The following NEDD4 variants were observed in gnomAD, a reference collection of about 807,000 sequenced individuals.
NEDD4 encodes the protein NEDD4 E3 ubiquitin protein ligase.
Under a neutral mutation model 144.9 loss-of-function variants are expected in NEDD4, and 99 were observed. That is an observed-to-expected ratio of 0.68 (90% CI 0.58 to 0.81). The LOEUF (loss-of-function observed/expected upper bound fraction) is 0.81, where lower values mean the gene tolerates loss of function less well. Among genes scored for constraint, NEDD4 ranks in the 30% least tolerant of loss-of-function variants. NEDD4 has a pLI of 0.00. For synonymous variants in NEDD4, 318 were observed against 350.6 expected (o/e 0.91, Z 1.04); for missense variants, 985 against 1,065.9 (o/e 0.92, Z 1.06).
chr15:55,953,809 C>T (rs373476330), intron 2 of NEDD4, among the ~76,000 whole-genome samples: 2 of 152,218 alleles, frequency 1.3e-5, no homozygotes, highest in African/African-American at 2.4e-5. Context: ...CAACCTCCTC[C>T]TCCTGGGTTC....
chr15:55,843,719 C>CATGAT (rs1418925590), intron 18 of NEDD4, among the ~76,000 whole-genome samples: 7 of 152,044 alleles, frequency 4.6e-5, no homozygotes, highest in African/African-American at 1.7e-4. Context: ...GCAATATAAG[C>CATGAT]ATGATATGAG....
chr15:55,914,892 G>GA (rs1318542665), intron 5 of NEDD4, among the ~76,000 whole-genome samples: 1 of 151,904 alleles, frequency 6.6e-6, no homozygotes, highest in African/African-American at 2.4e-5. Context: ...ATGATCATTT[G>GA]AAAATAGGAA....
chr15:55,974,613 A>G (rs1340195875), intron 1 of NEDD4, among the ~76,000 whole-genome samples: 2 of 152,172 alleles, frequency 1.3e-5, no homozygotes, highest in Non-Finnish European at 2.9e-5. Flanking sequence ...GGATGGTTCA[A>G]CATACACAAA....
At chr15:55,983,297 T>TGTGC (rs1566978143) in intron 1 of NEDD4, among the ~76,000 whole-genome samples, 6 of 141,410 alleles carry the variant, frequency 4.2e-5, no homozygotes, top group East Asian at 2.2e-4. Context: ...TGTGTGTGTG[T>TGTGC]GTGCGTGCGC....
intron 5 of NEDD4, among the ~76,000 whole-genome samples, chr15:55,899,101 G>T (rs2035831036): frequency 1.3e-5 from 2 of 152,178 alleles, no homozygotes; most frequent in Non-Finnish European, 2.9e-5. Context: ...TATGTGTAAA[G>T]ATTGTACATA....
At position 55,827,608 on chromosome 15, in the gene NEDD4, A is replaced by T. The variant is rs1303257563; in HGVS notation, c.*2289T>A. 1.3e-5 allele frequency: 2 copies of T among 152,214 alleles called. No homozygotes were observed. Among genetic ancestry groups the T allele is most frequent in the Admixed American group, 6.5e-5 (1 of 15,278 alleles). 9.4% of individuals were successfully genotyped at this position (152,214 alleles called of 1,614,324 possible). A position where few individuals can be genotyped will look rare whatever the true frequency, so the allele number is the denominator to read the frequency against. On this transcript the variant is annotated 3_prime_UTR_variant, in exon 29 of 29. Transcript: ENST00000435532. ...TTAACAAAAATAATTTTCACATTCC[A>T]TTCTACATAATGAGGACATTTCCAA...
chr15:55,938,498 T>A (rs1398075121), intron 4 of NEDD4, among the ~76,000 whole-genome samples: 1 of 151,948 alleles, frequency 6.6e-6, no homozygotes, highest in South Asian at 2.1e-4. Context: ...CCCGACACTG[T>A]AAAACCCATA....
intron 5 of NEDD4, among the ~76,000 whole-genome samples, chr15:55,891,556 C>A (rs2035572447): frequency 6.6e-6 from 1 of 152,090 alleles, no homozygotes; most frequent in Non-Finnish European, 1.5e-5. Context: ...ATGCAGCCTA[C>A]TTCATAAAAC....
At chr15:55,946,124 A>AT (rs1157791999) in intron 4 of NEDD4, among the ~76,000 whole-genome samples, 9 of 152,216 alleles carry the variant, frequency 5.9e-5, no homozygotes, top group African/African-American at 2.2e-4. Flanking sequence ...AGTGAACATC[A>AT]TAATTACAGG....
intron 1 of NEDD4, among the ~76,000 whole-genome samples, chr15:55,976,433 A>G (rs2037700636): frequency 6.6e-6 from 1 of 152,208 alleles, no homozygotes. Flanking sequence ...GATATTTCTC[A>G]AAAGAAGACA....
At chr15:55,916,150 A>C in intron 5 of NEDD4, 1 of 1,613,958 alleles carries the variant, frequency 6.2e-7, no homozygotes, top group Middle Eastern at 1.6e-4. Context: ...GTACTTCTTG[A>C]AAAAATTTCA....
chr15:55,966,676 T>C (rs572458227), intron 1 of NEDD4, 130 bp from the exon 2 acceptor site: 21 of 444,022 alleles, frequency 4.7e-5, no homozygotes, highest in Non-Finnish European at 8.2e-5. Context: ...TTTCAATAAT[T>C]AATTTTATTA....
intron 4 of NEDD4, among the ~76,000 whole-genome samples, chr15:55,942,193 T>C (rs897973727): frequency 3.3e-5 from 5 of 152,230 alleles, no homozygotes; most frequent in Non-Finnish European, 5.9e-5. Context: ...CATACACATT[T>C]CAGATTGTAT....
chr15:55,830,560 C>G lies in NEDD4; in HGVS notation c.2554G>C (p.Val852Leu). The G allele has an allele frequency of 1.2e-6, 2 of 1,614,136 alleles. No homozygotes were observed. The highest frequency in any genetic ancestry group is 1.7e-6 in the Non-Finnish European group (2 of 1,179,950). The change falls in exon 28 of 29, where the codon GTT (valine) becomes CTT (leucine). Residue 852 changes from valine to leucine, a missense_variant. By Grantham distance (32) the Val-to-Leu change is conservative. Transcript: ENST00000435532. ...TTTTCAGGAGTACCCCACTGTTCAACTGTAAATGACTGTGGTCCATTTGAA... is the reference window on the plus strand; with the variant it reads ...TTTTCAGGAGTACCCCACTGTTCAAGTGTAAATGACTGTGGTCCATTTGAA... ...YGSNGPQSFT[V>L]EQWGTPEKLP...
At chr15:55,905,942 C>T (rs2036076234) in intron 5 of NEDD4, among the ~76,000 whole-genome samples, 1 of 152,182 alleles carries the variant, frequency 6.6e-6, no homozygotes, top group African/African-American at 2.4e-5. Context: ...ACATGAAGTC[C>T]TTGCCCATGC....
chr15:55,963,898 A>G, intron 2 of NEDD4, among the ~76,000 whole-genome samples: 1 of 152,174 alleles, frequency 6.6e-6, no homozygotes, highest in Non-Finnish European at 1.5e-5. Context: ...ACTGAATATA[A>G]AACTATGGAT....
At chr15:55,985,760 TACACACACACACAC>T (rs3049246) in intron 1 of NEDD4, among the ~76,000 whole-genome samples, 10 of 148,326 alleles carry the variant, frequency 6.7e-5, no homozygotes, top group African/African-American at 2.2e-4. Context: ...AGAGTACACA[TACACACACACACAC>T]ACACACACAC....
chr15:55,952,225 T>A (rs139269466), intron 2 of NEDD4, among the ~76,000 whole-genome samples: 1 of 150,932 alleles, frequency 6.6e-6, no homozygotes. Flanking sequence ...TCACAACTAC[T>A]CGGGAGGCTG....
intron 4 of NEDD4, among the ~76,000 whole-genome samples, chr15:55,948,573 C>T (rs559828915): frequency 2.0e-5 from 3 of 152,192 alleles, no homozygotes; most frequent in African/African-American, 7.2e-5. Context: ...GCTACAGTAA[C>T]CAAAACAGCA....
Sources: gnomAD v4.1 joint callset for allele counts (sites outside exome capture counted in the v4.1 genomes callset) on GRCh38, gnomAD v4.1.1 for gene constraint, MANE v1.5 for transcripts, NCBI Gene and HGNC (gene_info 2026-07-23, HGNC 2026-07-21) for gene names.